ALK: variants seen among roughly 807,000 people sequenced by gnomAD.
ALK encodes the protein ALK receptor tyrosine kinase, also known as ALK tyrosine kinase receptor.
Under a neutral mutation model 163.1 loss-of-function variants are expected in ALK, and 74 were observed. The observed-to-expected ratio is 0.45, with a 90% CI of 0.38 to 0.55. ALK has a LOEUF of 0.55. Among genes scored for constraint, ALK ranks in the 20% least tolerant of loss-of-function variants. The pLI is 0.00. For missense variants in ALK, 2,063 were observed against 2,105.3 expected (o/e 0.98, Z 0.39); for synonymous variants, 960 against 843.2 (o/e 1.14, Z -2.40).
At chr2:29,340,240 T>C (rs1404262267) in intron 5 of ALK, among the ~76,000 whole-genome samples, 3 of 152,240 alleles carry the variant, frequency 2.0e-5, no homozygotes, top group African/African-American at 4.8e-5. Flanking sequence ...CAATTTCAAC[T>C]GTACCTTGGA....
At chr2:29,358,054 G>GT (rs1280711200) in intron 5 of ALK, among the ~76,000 whole-genome samples, 1 of 152,178 alleles carries the variant, frequency 6.6e-6, no homozygotes, top group Non-Finnish European at 1.5e-5. Flanking sequence ...TTCACAGATG[G>GT]TAAACAGCAG....
chr2:29,652,063 G>A (rs558788282), intron 3 of ALK, among the ~76,000 whole-genome samples: 4 of 152,102 alleles, frequency 2.6e-5, no homozygotes, highest in South Asian at 2.1e-4. Context: ...ACAGAGAGCT[G>A]GTAAAGGGAA....
chr2:29,670,953 T>C (rs930534120), intron 3 of ALK, among the ~76,000 whole-genome samples: 2 of 152,108 alleles, frequency 1.3e-5, no homozygotes, highest in African/African-American at 4.8e-5. Context: ...ATGCTATTTT[T>C]AATTATTGGT....
rs766221098 is a variant in ALK at position 29,193,585 on chromosome 2, C to T, written c.4502G>A (p.Ser1501Asn). The T allele has an allele frequency of 6.2e-7, 1 of 1,614,228 alleles. No homozygotes were observed. Among genetic ancestry groups the T allele is most frequent in the Non-Finnish European group, 8.5e-7 (1 of 1,180,042 alleles). Residue 1501 changes from serine (S) to asparagine (N), a missense_variant, in exon 29 of 29, where the codon AGC (serine) becomes AAC (asparagine). Transcript: ENST00000389048. ...KVHGSRNKPT[S>N]LWNPTYGSWF... ...GGAGCCGTACGTTGGGTTCCACAAG[C>T]TGGTGGGCTTGTTTCTGGATCCGTG... is the stretch of plus-strand genomic sequence containing the variant.
chr2:29,224,326 T>A (rs1452714876), intron 19 of ALK, among the ~76,000 whole-genome samples: 1 of 152,200 alleles, frequency 6.6e-6, no homozygotes, highest in Non-Finnish European at 1.5e-5. Flanking sequence ...CAGGACCTCT[T>A]TGGACTGCAG....
intron 4 of ALK, among the ~76,000 whole-genome samples, chr2:29,530,543 G>A (rs1219654534): frequency 1.3e-5 from 2 of 152,220 alleles, no homozygotes; most frequent in Non-Finnish European, 2.9e-5. Flanking sequence ...GGTAGGGAAG[G>A]AAGGAATGTT....
intron 25 of ALK, chr2:29,207,976 C>G: frequency 2.3e-6 from 1 of 432,200 alleles, no homozygotes; most frequent in Non-Finnish European, 4.8e-6. Flanking sequence ...AAGCAGCTTC[C>G]TGCCAGCTGT....
rs878854661 is a variant in ALK at position 29,694,850 on chromosome 2, C to T, written c.952G>A (p.Gly318Ser). The change falls in exon 3 of 29, where the codon GGC becomes AGC. Residue 318 changes from glycine to serine, a missense_variant and splice_region_variant. By Grantham distance (56) the Gly-to-Ser change is moderately conservative. Transcript: ENST00000389048. ...GAERSKEMPR[G>S]SFLLLNTSAD... is the part of the protein sequence containing the mutation. ...ACATCACCAGCAGCCTCTCCCTTAC[C>T]TCTGGGCATCTCCTTAGAACGCTCT... 1.6e-5 allele frequency: 26 copies of T among 1,613,798 alleles called. No individual in the cohort carries two copies. The East Asian group carries it at 5.8e-4, about 36-fold the overall frequency.
chr2:29,378,963 T>C (rs1315421820), intron 5 of ALK, among the ~76,000 whole-genome samples: 2 of 152,210 alleles, frequency 1.3e-5, no homozygotes, highest in African/African-American at 4.8e-5. Flanking sequence ...TCCACCCACC[T>C]TGGCCTCCCA....
intron 1 of ALK, among the ~76,000 whole-genome samples, chr2:29,900,568 C>G (rs538418945): frequency 6.6e-6 from 1 of 152,348 alleles, no homozygotes; most frequent in Non-Finnish European, 1.5e-5. Context: ...CTGGCACCCA[C>G]TGTGGTGCCT....
Position 29,710,504 on chromosome 2 carries a change from G to GTA in ALK, c.787+7073_787+7074insTA, listed in dbSNP as rs767414397. ...CTTCAACCTCAGTCTGTGTGCGTGT[G>GTA]TGTGTGTGTGTGTGTGTGTGTGTGT... On this transcript the variant is annotated intron_variant, in intron 2 of 28. Transcript: ENST00000389048. 9.0e-3 allele frequency among the ~76,000 whole-genome samples: 1,088 copies of GTA among 120,618 alleles called. 5 individuals are homozygous for GTA. Among genetic ancestry groups the GTA allele is most frequent in the Non-Finnish European group, 0.012 (755 of 63,198 alleles). The allele number at this position is 120,618 out of a possible 152,430, so 79.1% of individuals were successfully genotyped here.
intron 9 of ALK, among the ~76,000 whole-genome samples, chr2:29,296,396 C>T (rs761296514): frequency 3.3e-4 from 50 of 152,284 alleles, no homozygotes; most frequent in Middle Eastern, 3.4e-3. Flanking sequence ...GGCACTTCAC[C>T]GTTTTGATTC....
intron 1 of ALK, among the ~76,000 whole-genome samples, chr2:29,822,426 C>T (rs1665073686): frequency 6.6e-6 from 1 of 152,208 alleles, no homozygotes; most frequent in Admixed American, 6.5e-5. Flanking sequence ...GTGGCCAAGT[C>T]TGAATTCTGC....
chr2:29,625,623 T>C (rs1296445878), intron 3 of ALK, among the ~76,000 whole-genome samples: 1 of 152,260 alleles, frequency 6.6e-6, no homozygotes, highest in African/African-American at 2.4e-5. Flanking sequence ...TTTTCATCAC[T>C]GTGTCAGCAT....
At chr2:29,697,185 A>T (rs1678592013) in intron 2 of ALK, among the ~76,000 whole-genome samples, 1 of 152,168 alleles carries the variant, frequency 6.6e-6, no homozygotes, top group South Asian at 2.1e-4. Context: ...TTGATAAGGG[A>T]AAGGCCATAG....
At chr2:29,355,129 C>G (rs1668216486) in intron 5 of ALK, among the ~76,000 whole-genome samples, 1 of 152,126 alleles carries the variant, frequency 6.6e-6, no homozygotes, top group Admixed American at 6.5e-5. Flanking sequence ...GATTGGTTTC[C>G]AAGGTGTTTG....
chr2:29,426,911 G>T (rs973897880), intron 4 of ALK, among the ~76,000 whole-genome samples: 2 of 151,382 alleles, frequency 1.3e-5, no homozygotes, highest in Non-Finnish European at 2.9e-5. Context: ...AGTGGGGTGC[G>T]CCTGTAGTCC....
intron 3 of ALK, among the ~76,000 whole-genome samples, chr2:29,562,612 G>T (rs942157018): frequency 6.6e-6 from 1 of 152,096 alleles, no homozygotes; most frequent in Non-Finnish European, 1.5e-5. Flanking sequence ...AGAACAATTG[G>T]AAAGAAGAGA....
intron 5 of ALK, among the ~76,000 whole-genome samples, chr2:29,374,038 C>T (rs1374998146): frequency 6.6e-6 from 1 of 152,208 alleles, no homozygotes; most frequent in Non-Finnish European, 1.5e-5. Flanking sequence ...TTTCCCTTTG[C>T]ATAATGGCTC....
Sources: gnomAD v4.1 joint callset for allele counts (sites outside exome capture counted in the v4.1 genomes callset) on GRCh38, gnomAD v4.1.1 for gene constraint, MANE v1.5 for transcripts, NCBI Gene and HGNC (gene_info 2026-07-23, HGNC 2026-07-21) for gene names.